Variants in SUPT3H observed in about 807,000 individuals in gnomAD.
SUPT3H encodes the protein transcription initiation protein SPT3 homolog.
In SUPT3H, 44 loss-of-function variants were observed where a neutral mutation model predicts 44.3. That is an observed-to-expected ratio of 0.99 (90% confidence interval 0.78 to 1.28). The LOEUF (loss-of-function observed/expected upper bound fraction) is 1.28, where lower values mean the gene tolerates loss of function less well. Ranked by LOEUF, SUPT3H falls within the 50% of genes most tolerant of loss-of-function variation. SUPT3H has a pLI of 0.00. For missense variants in SUPT3H, 380 were observed against 387.1 expected, an observed-to-expected ratio of 0.98 and a Z score of 0.15; for synonymous variants, 124 against 125.6, an observed-to-expected ratio of 0.99 and a Z score of 0.09.
intron 3 of SUPT3H, among the ~76,000 whole-genome samples, chr6:45,070,194 C>A (rs966892814): frequency 2.0e-5 from 3 of 151,962 alleles, no homozygotes; most frequent in African/African-American, 7.3e-5. Flanking sequence ...AATCTGGAAA[C>A]TTAAGGGGAA....
At chr6:45,161,167 A>G (rs1301524576) in intron 2 of SUPT3H, among the ~76,000 whole-genome samples, 1 of 152,112 alleles carries the variant, frequency 6.6e-6, no homozygotes, top group Non-Finnish European at 1.5e-5. Context: ...TGCTTCCTGT[A>G]CAGCCTGTAG....
chr6:44,853,867 C>T (rs1773311426), intron 10 of SUPT3H, among the ~76,000 whole-genome samples: 1 of 151,526 alleles, frequency 6.6e-6, no homozygotes, highest in African/African-American at 2.4e-5. Context: ...GATAAAAATA[C>T]TTTACTAGTG....
At chr6:44,921,938 C>A (rs1206106925) in intron 10 of SUPT3H, among the ~76,000 whole-genome samples, 2 of 152,236 alleles carry the variant, frequency 1.3e-5, no homozygotes, top group Non-Finnish European at 2.9e-5. Flanking sequence ...GAGCCTGACA[C>A]TGGGCTCTGT....
intron 2 of SUPT3H, among the ~76,000 whole-genome samples, chr6:45,335,842 T>C (rs1224132211): frequency 6.6e-6 from 1 of 151,360 alleles, no homozygotes; most frequent in African/African-American, 2.4e-5. Context: ...TTACCTCTCA[T>C]GAAATCTGTA....
At chr6:45,322,699 A>G (rs2150041643) in intron 2 of SUPT3H, among the ~76,000 whole-genome samples, 1 of 152,304 alleles carries the variant, frequency 6.6e-6, no homozygotes, top group Non-Finnish European at 1.5e-5. Flanking sequence ...ATCTATACAC[A>G]GTAATGAAAC....
chr6:45,045,931 T>G (rs1789325419), intron 3 of SUPT3H, among the ~76,000 whole-genome samples: 1 of 152,196 alleles, frequency 6.6e-6, no homozygotes, highest in Non-Finnish European at 1.5e-5. Context: ...GTTCAATGTA[T>G]CACTTTTTCT....
chr6:45,059,473 C>G (rs1343450773), intron 3 of SUPT3H, among the ~76,000 whole-genome samples: 3 of 152,020 alleles, frequency 2.0e-5, no homozygotes, highest in Non-Finnish European at 4.4e-5. Flanking sequence ...AAACCCACAG[C>G]CAATATCATA....
At chr6:45,296,132 C>T (rs1023477844) in intron 2 of SUPT3H, among the ~76,000 whole-genome samples, 2 of 151,594 alleles carry the variant, frequency 1.3e-5, no homozygotes, top group Non-Finnish European at 2.9e-5. Flanking sequence ...AGTATATATA[C>T]ACACATATAC....
intron 9 of SUPT3H, among the ~76,000 whole-genome samples, chr6:44,941,761 T>C (rs1013970000): frequency 3.3e-5 from 5 of 152,162 alleles, no homozygotes; most frequent in Non-Finnish European, 7.4e-5. Context: ...ATACATCAAA[T>C]TTCTTGGCTT....
intron 2 of SUPT3H, among the ~76,000 whole-genome samples, chr6:45,254,192 G>C (rs1203927485): frequency 6.6e-6 from 1 of 151,990 alleles, no homozygotes; most frequent in Non-Finnish European, 1.5e-5. Flanking sequence ...ACTTTAATCA[G>C]AATTGAAATA....
chr6:45,370,694 A>G (rs1795917710), intron 1 of SUPT3H, among the ~76,000 whole-genome samples: 1 of 152,180 alleles, frequency 6.6e-6, no homozygotes, highest in African/African-American at 2.4e-5. Flanking sequence ...AACACCCTGT[A>G]AACATGAAAA....
In SUPT3H at chr6:45,026,933, A is replaced by T. The variant is rs144843205; in HGVS notation, c.187-6301T>A. On this transcript the variant is annotated intron_variant, in intron 3 of 10. Transcript: ENST00000371459. ...TTATTTCAGTTTTGCTTTTGATGAG[A>T]CATCTCATCTGGAGCCCTCCAGACT... Among the ~76,000 whole-genome samples the T allele has an allele frequency of 3.6e-4, 55 of 151,076 alleles. 1 individual carries two copies. The East Asian group carries it at 9.2e-3, about 25-fold the overall frequency.
At chr6:45,274,504 C>A (rs1776701028) in intron 2 of SUPT3H, among the ~76,000 whole-genome samples, 1 of 152,138 alleles carries the variant, frequency 6.6e-6, no homozygotes, top group Non-Finnish European at 1.5e-5. Flanking sequence ...AAGAAGAGGT[C>A]CAAATTATTT....
At chr6:45,376,707 G>A (rs1796828347) in intron 1 of SUPT3H, among the ~76,000 whole-genome samples, 1 of 152,176 alleles carries the variant, frequency 6.6e-6, no homozygotes, top group African/African-American at 2.4e-5. Flanking sequence ...GTTTCTCATA[G>A]GCAAATTCAG....
chr6:44,890,787 GT>G (rs1016462354), intron 10 of SUPT3H, among the ~76,000 whole-genome samples: 1 of 150,146 alleles, frequency 6.7e-6, no homozygotes, highest in African/African-American at 2.5e-5. Flanking sequence ...AAAAGAAAAT[GT>G]GGCACACATG....
Position 44,982,425 on chromosome 6 carries a change from G to A in SUPT3H, c.505-20597C>T, listed in dbSNP as rs139919687. Among the ~76,000 whole-genome samples the A allele has an allele frequency of 1.9e-3, 293 of 152,216 alleles. 1 individual carries two copies. Among genetic ancestry groups the A allele is most frequent in the African/African-American group, 6.4e-3 (265 of 41,534 alleles). On this transcript the variant is annotated intron_variant, in intron 6 of 10. Coordinates refer to ENST00000371459, the MANE Select transcript of SUPT3H (RefSeq NM_003599.4). ...TTTTTAGTAGAGACAGTGTTTCACC[G>A]TGTTAGCCAGGATGGCCTCCATCTC...
intron 7 of SUPT3H, among the ~76,000 whole-genome samples, chr6:44,960,820 AT>A (rs1301434612): frequency 6.6e-5 from 10 of 152,264 alleles, no homozygotes; most frequent in African/African-American, 2.2e-4. Context: ...GAAAAAAAAA[AT>A]CTTCCAAAAC....
chr6:44,954,571 C>G lies in SUPT3H; in HGVS notation c.617G>C (p.Cys206Ser). ...ATTGGGTTTTATCTCCATACTGCTG[C>G]AGTCCAACCAGTCTCGAAATTTGGA... is the stretch of plus-strand genomic sequence containing the variant. ...KASKFRDWLDCSSMEIKPNVV... is the reference protein window; with the variant it reads ...KASKFRDWLDSSSMEIKPNVV... The change falls in exon 8 of 11, where the codon TGC (cysteine) becomes TCC (serine). Residue 206 changes from cysteine (C) to serine (S), a missense_variant. By Grantham distance (112) the Cys-to-Ser change is moderately radical (BLOSUM62 -1). Transcript: ENST00000371459. The G allele has an allele frequency of 1.2e-6, 2 of 1,613,550 alleles. No individual in the cohort carries two copies. The highest frequency in any genetic ancestry group is 1.7e-6 in the Non-Finnish European group (2 of 1,179,920).
chr6:45,283,224 C>G (rs1192640655), intron 2 of SUPT3H, among the ~76,000 whole-genome samples: 1 of 152,166 alleles, frequency 6.6e-6, no homozygotes, highest in African/African-American at 2.4e-5. Context: ...GGATCAAATT[C>G]ACACATAACA....
Sources: gnomAD v4.1 joint callset for allele counts (sites outside exome capture counted in the v4.1 genomes callset) on GRCh38, gnomAD v4.1.1 for gene constraint, MANE v1.5 for transcripts, NCBI Gene and HGNC (gene_info 2026-07-23, HGNC 2026-07-21) for gene names.